The following DENND5A variants were observed in gnomAD, a reference collection of about 807,000 sequenced individuals.
DENND5A encodes DENN domain containing 5A, also known as DENN domain-containing protein 5A.
Under a neutral mutation model 140.3 loss-of-function variants are expected in DENND5A, and 64 were observed. The ratio of observed to expected loss-of-function variants is 0.46; its 90% CI spans 0.37 to 0.56. The LOEUF is 0.56. Among genes scored for constraint, DENND5A ranks in the 20% least tolerant of loss-of-function variants. The pLI is 0.00. For synonymous variants in DENND5A, 605 were observed against 607.7 expected (o/e 1.00, Z 0.07); for missense variants, 1,292 against 1,593.8 (o/e 0.81, Z 3.22).
intron 1 of DENND5A, among the ~76,000 whole-genome samples, chr11:9,231,489 G>A (rs552763958): frequency 3.1e-4 from 47 of 152,168 alleles, no homozygotes; most frequent in African/African-American, 1.1e-3. Context: ...GCAGAGGCAG[G>A]CAGATCACCT....
intron 1 of DENND5A, 54 bp from the exon 2 acceptor site, chr11:9,207,686 T>A (rs1032292197): frequency 6.1e-5 from 77 of 1,269,676 alleles, no homozygotes; most frequent in Non-Finnish European, 8.5e-5. Flanking sequence ...TTATTCAAAC[T>A]TTTTTGACCA....
rs555430698 is a variant in DENND5A, at chr11:9,143,579, T to C, written c.3305-94A>G. 4.9e-3 allele frequency: 5,168 copies of C among 1,047,130 alleles called. 24 individuals are homozygous for C. The highest frequency in any genetic ancestry group is 6.3e-3 in the Non-Finnish European group (4,265 of 672,968). The allele number at this position is 1,047,130 out of a possible 1,614,324, so 64.9% of individuals were successfully genotyped here. A position where few individuals can be genotyped will look rare whatever the true frequency, so the allele number is the denominator to read the frequency against. ...AGACTGAGGACACGGGGAGGGCCCA[T>C]AGGAGAGGCAGGGCAGCTGGACCCT... is the stretch of plus-strand genomic sequence containing the variant. On this transcript the variant is annotated intron_variant, in intron 19 of 22. Transcript: ENST00000328194.
At chr11:9,263,846 CT>C (rs1290182508) in intron 1 of DENND5A, among the ~76,000 whole-genome samples, 1 of 27,176 alleles carries the variant, frequency 3.7e-5, no homozygotes, top group Admixed American at 6.4e-4. Flanking sequence ...GAGACTCCGT[CT>C]CAAAAAAAAA....
intron 1 of DENND5A, among the ~76,000 whole-genome samples, chr11:9,212,500 T>C (rs1849918540): frequency 6.6e-6 from 1 of 151,394 alleles, no homozygotes; most frequent in Admixed American, 6.6e-5. Flanking sequence ...TAGAAACCAA[T>C]GATAAGAGAG....
At chr11:9,201,360 A>G (rs188917837) in intron 4 of DENND5A, among the ~76,000 whole-genome samples, 22 of 150,084 alleles carry the variant, frequency 1.5e-4, no homozygotes, top group Non-Finnish European at 2.4e-4. Context: ...GGGTGATAGA[A>G]TAAGACTCTA....
rs530466789 is a variant in DENND5A at position 9,261,673 on chromosome 11, C to T, written c.109+3288G>A. Among the ~76,000 whole-genome samples the T allele has an allele frequency of 2.3e-3, 337 of 148,862 alleles. 2 individuals carry two copies. Among genetic ancestry groups the T allele is most frequent in the African/African-American group, 7.9e-3 (321 of 40,528 alleles). On this transcript the variant is annotated intron_variant, in intron 1 of 22. Transcript: ENST00000328194. ...CGCGCGGCTCATAATCCCAGCTACT[C>T]GGGAGGCTGAGGCAGAATTGCTTGA...
At chr11:9,221,461 A>G (rs1850308927) in intron 1 of DENND5A, among the ~76,000 whole-genome samples, 1 of 152,056 alleles carries the variant, frequency 6.6e-6, no homozygotes, top group Non-Finnish European at 1.5e-5. Flanking sequence ...GCAACAAAAA[A>G]AACACTGAAT....
At chr11:9,158,388 A>G (rs370161041) in intron 12 of DENND5A, among the ~76,000 whole-genome samples, 2 of 151,912 alleles carry the variant, frequency 1.3e-5, no homozygotes, top group East Asian at 3.9e-4. Flanking sequence ...CTACAAAAAA[A>G]AAAAATAGCT....
In DENND5A at chr11:9,139,863, G is replaced by A. The variant is rs1189218298; in HGVS notation, c.3681-9C>T. The A allele has an allele frequency of 1.2e-6, 2 of 1,613,276 alleles. No individual in the cohort carries two copies. Among genetic ancestry groups the A allele is most frequent in the African/African-American group, 2.7e-5 (2 of 74,928 alleles). ...GGTGTAGGAGGTGATCTCTGGCAGA[G>A]CGGGAGCAGTCCAGGCAGGTCAGAG... On this transcript the variant is annotated splice_polypyrimidine_tract_variant and intron_variant, in intron 22 of 22. Transcript: ENST00000328194.
chr11:9,237,187 T>C (rs933360660), intron 1 of DENND5A, among the ~76,000 whole-genome samples: 4 of 152,116 alleles, frequency 2.6e-5, no homozygotes, highest in Non-Finnish European at 5.9e-5. Context: ...GAGGAAGAGA[T>C]GGGCAGATCA....
rs1321405453 is a variant in DENND5A at position 9,144,164 on chromosome 11, G to C, written c.3237C>G (p.Thr1079=). 3.1e-6 allele frequency: 5 copies of C among 1,613,980 alleles called. No individual in the cohort carries two copies. In the South Asian group the frequency reaches 5.5e-5, roughly 18 times the overall value. Residue 1079 remains threonine (T), a synonymous_variant, in exon 19 of 23, where the codon ACC becomes ACG. Transcript: ENST00000328194. ...QPEVDERPCR[T]PPLQQSPSVI... is the part of the protein sequence containing the mutation. Reference sequence around the variant, plus strand: ...CACTGGGGGACTGCTGCAGCGGCGGGGTCCGGCATGGCCTCTCATCCACCT... The same window carrying C: ...CACTGGGGGACTGCTGCAGCGGCGGCGTCCGGCATGGCCTCTCATCCACCT...
intron 5 of DENND5A, among the ~76,000 whole-genome samples, chr11:9,185,252 A>G (rs1564902940): frequency 1.3e-5 from 2 of 152,096 alleles, no homozygotes; most frequent in South Asian, 4.1e-4. Context: ...GCTTTTTATA[A>G]CTTGTTTACA....
chr11:9,181,112 T>A, intron 5 of DENND5A, 28 bp from the exon 6 acceptor site: 1 of 1,593,114 alleles, frequency 6.3e-7, no homozygotes, highest in African/African-American at 1.3e-5. Context: ...ATGAGGAGTA[T>A]GAATAACTCC....
At chr11:9,217,110 A>C (rs1046373727) in intron 1 of DENND5A, among the ~76,000 whole-genome samples, 1 of 152,198 alleles carries the variant, frequency 6.6e-6, no homozygotes, top group Non-Finnish European at 1.5e-5. Context: ...AATACAATGG[A>C]ACATTATTCA....
intron 1 of DENND5A, among the ~76,000 whole-genome samples, chr11:9,246,139 G>A (rs955988083): frequency 6.6e-6 from 1 of 152,160 alleles, no homozygotes; most frequent in Non-Finnish European, 1.5e-5. Context: ...AGCCCTAGAA[G>A]TGACTGAGCA....
chr11:9,177,656 A>G (rs1433847446), intron 8 of DENND5A, among the ~76,000 whole-genome samples: 1 of 151,854 alleles, frequency 6.6e-6, no homozygotes, highest in African/African-American at 2.4e-5. Flanking sequence ...ACCCTGTCAC[A>G]CAGGCAGAAA....
At chr11:9,264,257 A>C (rs1250964440) in intron 1 of DENND5A, among the ~76,000 whole-genome samples, 1 of 152,140 alleles carries the variant, frequency 6.6e-6, no homozygotes, top group Non-Finnish European at 1.5e-5. Flanking sequence ...CTTGAAACGC[A>C]TCAGAACACA....
In DENND5A at chr11:9,237,460, C is replaced by T. The variant is rs146490365; in HGVS notation, c.109+27501G>A. On this transcript the variant is annotated intron_variant, in intron 1 of 22. Coordinates refer to ENST00000328194, the MANE Select transcript of DENND5A (RefSeq NM_015213.4). ...TATGTTCTTCCTAGCAGATTGGAAACGTTTCAGAAAAGCGGTAACACTTTA... is the reference window on the plus strand; with the variant it reads ...TATGTTCTTCCTAGCAGATTGGAAATGTTTCAGAAAAGCGGTAACACTTTA... 6.0e-4 allele frequency among the ~76,000 whole-genome samples: 92 copies of T among 152,192 alleles called. 1 individual carries two copies. The highest frequency in any genetic ancestry group is 5.4e-3 in the East Asian group (28 of 5,188).
intron 1 of DENND5A, among the ~76,000 whole-genome samples, chr11:9,218,681 G>T: frequency 6.6e-6 from 1 of 152,122 alleles, no homozygotes; most frequent in Non-Finnish European, 1.5e-5. Flanking sequence ...CTGCACTCCA[G>T]CTGGGTGACA....
Sources: gnomAD v4.1 joint callset for allele counts (sites outside exome capture counted in the v4.1 genomes callset) on GRCh38, gnomAD v4.1.1 for gene constraint, MANE v1.5 for transcripts, NCBI Gene and HGNC (gene_info 2026-07-23, HGNC 2026-07-21) for gene names.